The following GRM5 variants were observed in gnomAD, a reference collection of about 807,000 sequenced individuals.
The protein encoded by GRM5 is metabotropic glutamate receptor 5.
In GRM5, 19 loss-of-function variants were observed where a neutral mutation model predicts 83.1. The observed-to-expected ratio is 0.23, with a 90% CI of 0.16 to 0.34. The LOEUF (loss-of-function observed/expected upper bound fraction) is 0.34. Ranked by LOEUF, GRM5 falls within the 10% of genes least tolerant of loss-of-function variation. The pLI is 1.00. For synonymous variants in GRM5, 675 were observed against 633.6 expected (o/e 1.07, Z -0.98); for missense variants, 1,160 against 1,588.3 (o/e 0.73, Z 4.58).
intron 3 of GRM5, among the ~76,000 whole-genome samples, chr11:88,714,585 G>C (rs1941359235): frequency 6.6e-6 from 1 of 151,890 alleles, no homozygotes; most frequent in South Asian, 2.1e-4. Context: ...TCTTCTTTGA[G>C]ATGTAGTTGC....
At chr11:88,586,419 A>T (rs1012751703) in intron 7 of GRM5, among the ~76,000 whole-genome samples, 5 of 152,234 alleles carry the variant, frequency 3.3e-5, no homozygotes, top group African/African-American at 9.6e-5. Flanking sequence ...TGCTGCAAAC[A>T]GTTCCTGTCA....
intron 2 of GRM5, among the ~76,000 whole-genome samples, chr11:88,932,947 C>G (rs1043203053): frequency 2.0e-5 from 3 of 151,894 alleles, no homozygotes. Flanking sequence ...CTCTCCTTGA[C>G]CCACATATCT....
At chr11:88,710,043 A>AAATT (rs1296581994) in intron 3 of GRM5, among the ~76,000 whole-genome samples, 1 of 152,104 alleles carries the variant, frequency 6.6e-6, no homozygotes, top group African/African-American at 2.4e-5. Context: ...CAATTGTTTC[A>AAATT]AATTAAACTC....
chr11:88,797,161 T>C (rs1264358695), intron 3 of GRM5, among the ~76,000 whole-genome samples: 2 of 152,122 alleles, frequency 1.3e-5, no homozygotes, highest in Non-Finnish European at 2.9e-5. Context: ...TTGTTTTTGT[T>C]TTTTTAGAGA....
intron 2 of GRM5, among the ~76,000 whole-genome samples, chr11:89,012,102 A>G (rs1276552410): frequency 6.6e-6 from 1 of 152,178 alleles, no homozygotes; most frequent in Admixed American, 6.5e-5. Context: ...GGAAAAAGAG[A>G]GAATGGAGGG....
chr11:88,657,349 C>A (rs180886955), intron 3 of GRM5, among the ~76,000 whole-genome samples: 3 of 152,060 alleles, frequency 2.0e-5, no homozygotes, highest in East Asian at 1.9e-4. Flanking sequence ...GGTTTGTAGC[C>A]TTTCTTTGGC....
intron 3 of GRM5, among the ~76,000 whole-genome samples, chr11:88,833,926 G>T (rs525214): frequency 0.29 from 44,808 of 151,902 alleles, 6,886 homozygotes; most frequent in South Asian, 0.54. Flanking sequence ...AAAGGTTTTC[G>T]CATGGAAGTG....
chr11:88,925,310 C>T (rs1437030047), intron 2 of GRM5, among the ~76,000 whole-genome samples: 2 of 116,284 alleles, frequency 1.7e-5, no homozygotes, highest in African/African-American at 6.4e-5. Context: ...GAGATACTGA[C>T]TACTTTTTGC....
intron 3 of GRM5, among the ~76,000 whole-genome samples, chr11:88,776,473 G>C (rs985291869): frequency 3.3e-5 from 5 of 152,038 alleles, no homozygotes; most frequent in African/African-American, 1.2e-4. Flanking sequence ...AATTTGGTCT[G>C]GTCATTATGA....
chr11:88,549,301 C>CA (rs771962192), intron 8 of GRM5, among the ~76,000 whole-genome samples: 67 of 151,888 alleles, frequency 4.4e-4, no homozygotes, highest in African/African-American at 8.2e-4. Flanking sequence ...CTGGTCTCTA[C>CA]AAAAAATACA....
At chr11:88,769,092 A>G (rs1942678444) in intron 3 of GRM5, among the ~76,000 whole-genome samples, 1 of 152,024 alleles carries the variant, frequency 6.6e-6, no homozygotes. Context: ...TTTGTTTCCC[A>G]TAGGGATATG....
chr11:88,988,320 A>T (rs1939813740), intron 2 of GRM5, among the ~76,000 whole-genome samples: 1 of 150,852 alleles, frequency 6.6e-6, no homozygotes, highest in South Asian at 2.1e-4. Context: ...AAAAAGAATA[A>T]AAAGAAATGA....
At chr11:88,777,891 C>A (rs1942890116) in intron 3 of GRM5, among the ~76,000 whole-genome samples, 1 of 152,180 alleles carries the variant, frequency 6.6e-6, no homozygotes, top group African/African-American at 2.4e-5. Flanking sequence ...AGATATCTCC[C>A]AGTTAGGCTA....
At chr11:88,674,268 T>C (rs1940267683) in intron 3 of GRM5, among the ~76,000 whole-genome samples, 1 of 151,930 alleles carries the variant, frequency 6.6e-6, no homozygotes, top group Non-Finnish European at 1.5e-5. Context: ...CTCTATCCTC[T>C]AGGTGAGTCT....
chr11:88,639,383 A>T (rs984112156), intron 4 of GRM5, among the ~76,000 whole-genome samples: 1 of 152,084 alleles, frequency 6.6e-6, no homozygotes, highest in Non-Finnish European at 1.5e-5. Context: ...GAAGGGTCAC[A>T]TCTTTTATTT....
rs571705563 is a variant in GRM5, at chr11:88,844,190, T to C, written c.911+5716A>G. Among the ~76,000 whole-genome samples, 13 of 152,220 alleles carry C rather than the reference T, an allele frequency of 8.5e-5. No homozygotes were observed. In the South Asian group the frequency reaches 2.7e-3, roughly 32 times the overall value. On this transcript the variant is annotated intron_variant, in intron 3 of 9. Coordinates refer to ENST00000305447, the MANE Select transcript of GRM5 (RefSeq NM_001143831.3). ...TGAGGAGATAATAAAACTGGTGACT[T>C]GAAGTGGAAGCCAACAATCATTTCC...
At chr11:88,618,376 A>G (rs943123107) in intron 4 of GRM5, among the ~76,000 whole-genome samples, 4 of 152,222 alleles carry the variant, frequency 2.6e-5, no homozygotes, top group South Asian at 2.1e-4. Context: ...CAGACTGTTG[A>G]TACCATCTTT....
chr11:88,778,903 A>T (rs1040145842), intron 3 of GRM5, among the ~76,000 whole-genome samples: 1 of 152,196 alleles, frequency 6.6e-6, no homozygotes, highest in South Asian at 2.1e-4. Flanking sequence ...TAACATTTTC[A>T]CTGTTTTCTA....
chr11:88,668,786 C>G lies in GRM5; in HGVS notation c.912-15383G>C, dbSNP rs114264538. On this transcript the variant is annotated intron_variant, in intron 3 of 9. Transcript: ENST00000305447. ...CTTGCAGAACTGAAACTTTGTATTT[C>G]TTGAATAGCAGCTCCCCATTTCCTT... Among the ~76,000 whole-genome samples, 905 of 152,248 alleles carry G rather than the reference C, an allele frequency of 5.9e-3. 12 individuals are homozygous for G. Among genetic ancestry groups the G allele is most frequent in the African/African-American group, 0.021 (866 of 41,552 alleles).
Sources: allele counts gnomAD v4.1 joint callset (sites outside exome capture counted in the v4.1 genomes callset), GRCh38; gene constraint gnomAD v4.1.1; transcripts MANE v1.5; gene names NCBI Gene and HGNC (gene_info 2026-07-23, HGNC 2026-07-21).